The following CIMIP3 variants were observed in gnomAD, a reference collection of about 807,000 sequenced individuals.
The protein encoded by CIMIP3 is ciliary microtubule inner protein 3.
chr6:42,158,232 C>T, the CIMIP3 span, among the ~76,000 whole-genome samples: 1 of 152,366 alleles, frequency 6.6e-6, no homozygotes, highest in Admixed American at 6.5e-5. Flanking sequence ...TCAGCCAGAG[C>T]TGGCTCTGCT....
the CIMIP3 span, among the ~76,000 whole-genome samples, chr6:42,161,793 A>G: frequency 1.3e-5 from 2 of 152,290 alleles, no homozygotes; most frequent in South Asian, 4.1e-4. Flanking sequence ...TTGATCCAGC[A>G]TTTATCAAGC....
chr6:42,158,448 C>T, the CIMIP3 span, among the ~76,000 whole-genome samples: 1 of 152,178 alleles, frequency 6.6e-6, no homozygotes, highest in African/African-American at 2.4e-5. Context: ...CTGTCCCCTA[C>T]CCCTGCTGCC....
At chr6:42,162,090 CTT>C in the CIMIP3 span, among the ~76,000 whole-genome samples, 141 of 63,014 alleles carry the variant, frequency 2.2e-3, no homozygotes, top group South Asian at 6.9e-3. Flanking sequence ...AAGCCACATT[CTT>C]TTTTTTTTTT....
chr6:42,156,714 A>T, the CIMIP3 span, among the ~76,000 whole-genome samples: 1 of 152,228 alleles, frequency 6.6e-6, no homozygotes, highest in Non-Finnish European at 1.5e-5. Flanking sequence ...CAAGCTGGTG[A>T]ATTAGATAGC....
chr6:42,155,719 C>T, the CIMIP3 span: 1 of 693,190 alleles, frequency 1.4e-6, no homozygotes, highest in Non-Finnish European at 2.7e-6. Flanking sequence ...GGACACCCTC[C>T]ATCTTGCTTC....
chr6:42,155,753 G>A, the CIMIP3 span, among the ~76,000 whole-genome samples: 28 of 152,286 alleles, frequency 1.8e-4, no homozygotes, highest in Non-Finnish European at 3.5e-4. Flanking sequence ...CTGCTGTAAA[G>A]TGTGTCCTGG....
the CIMIP3 span, among the ~76,000 whole-genome samples, chr6:42,162,502 G>C: frequency 6.6e-6 from 1 of 151,252 alleles, no homozygotes; most frequent in Non-Finnish European, 1.5e-5. Flanking sequence ...CCCTGGTGGA[G>C]GGCAAGCTGG....
the CIMIP3 span, chr6:42,163,275 C>T: frequency 3.7e-6 from 2 of 540,716 alleles, no homozygotes; most frequent in Non-Finnish European, 6.8e-6. Flanking sequence ...AAGCCCCCGA[C>T]CCTTCACCCT....
At chr6:42,160,979 G>A in the CIMIP3 span, among the ~76,000 whole-genome samples, 13,021 of 151,852 alleles carry the variant, frequency 0.086, 639 homozygotes, top group African/African-American at 0.12. Flanking sequence ...ACCTGAGGTC[G>A]GGAGTTTGAG....
At chr6:42,163,262 C>T in the CIMIP3 span, 13 of 556,272 alleles carry the variant, frequency 2.3e-5, no homozygotes, top group Admixed American at 6.5e-5. Flanking sequence ...CTGAGCCAAA[C>T]GGAAGCCCCC....
chr6:42,155,502 G>C, the CIMIP3 span: 1 of 716,544 alleles, frequency 1.4e-6, no homozygotes, highest in African/African-American at 1.7e-5. Context: ...TGAAATCACA[G>C]GGCTGGGGAA....
the CIMIP3 span, among the ~76,000 whole-genome samples, chr6:42,157,529 C>G: frequency 0.68 from 102,988 of 151,592 alleles, 35,502 homozygotes; most frequent in East Asian, 0.86. Context: ...GGATTACAGG[C>G]GTGAGCCATG....
chr6:42,163,025 G>A, the CIMIP3 span: 1,023 of 717,268 alleles, frequency 1.4e-3, 5 homozygotes, highest in African/African-American at 0.015. Context: ...GCAGGACCTC[G>A]AGCAGTCTCT....
the CIMIP3 span, among the ~76,000 whole-genome samples, chr6:42,157,862 G>A: frequency 1.3e-5 from 2 of 152,182 alleles, no homozygotes; most frequent in African/African-American, 4.8e-5. Flanking sequence ...GGGGAGATGG[G>A]GCTTCTTCCT....
At chr6:42,156,397 C>T in the CIMIP3 span, among the ~76,000 whole-genome samples, 1 of 151,558 alleles carries the variant, frequency 6.6e-6, no homozygotes, top group Non-Finnish European at 1.5e-5. Context: ...TCAAGCAATC[C>T]TCCCACTTCA....
At chr6:42,160,608 G>A in the CIMIP3 span, among the ~76,000 whole-genome samples, 2 of 152,286 alleles carry the variant, frequency 1.3e-5, no homozygotes, top group African/African-American at 4.8e-5. Flanking sequence ...TCTTCAAAAT[G>A]TGTGTGCCTG....
At chr6:42,162,520 C>T in the CIMIP3 span, among the ~76,000 whole-genome samples, 73 of 151,190 alleles carry the variant, frequency 4.8e-4, no homozygotes, top group Non-Finnish European at 8.7e-4. Context: ...TGGAGGGGCC[C>T]CACAGGATAG....
the CIMIP3 span, among the ~76,000 whole-genome samples, chr6:42,157,272 A>G: frequency 5.9e-5 from 9 of 152,082 alleles, no homozygotes; most frequent in African/African-American, 1.9e-4. Context: ...TCACTCTGTC[A>G]CTTAGGCTGG....
At chr6:42,158,432 C>T in the CIMIP3 span, among the ~76,000 whole-genome samples, 1 of 152,146 alleles carries the variant, frequency 6.6e-6, no homozygotes, top group Non-Finnish European at 1.5e-5. Flanking sequence ...GTTCCGGGGA[C>T]CCTGGCTGTC....
Sources: gnomAD v4.1 joint callset for allele counts (sites outside exome capture counted in the v4.1 genomes callset) on GRCh38, gnomAD v4.1.1 for gene constraint, MANE v1.5 for transcripts, NCBI Gene and HGNC (gene_info 2026-07-23, HGNC 2026-07-21) for gene names.